The following RAI14 variants were observed in gnomAD, a reference collection of about 807,000 sequenced individuals.
The protein encoded by RAI14 is ankycorbin.
In RAI14, 45 loss-of-function variants were observed where a neutral mutation model predicts 115.4. That is an observed-to-expected ratio of 0.39 (90% CI 0.31 to 0.50). RAI14 has a LOEUF of 0.50. Ranked by LOEUF, RAI14 falls within the 20% of genes least tolerant of loss-of-function variation. The pLI, the probability that RAI14 is intolerant of heterozygous loss-of-function variation, is 0.85. For missense variants in RAI14, 939 were observed against 1,131.2 expected, an observed-to-expected ratio of 0.83 and a Z score of 2.44; for synonymous variants, 371 against 415.4, an observed-to-expected ratio of 0.89 and a Z score of 1.30.
chr5:34,807,677 G>T, intron 5 of RAI14, 123 bp from the exon 6 acceptor site: 1 of 771,946 alleles, frequency 1.3e-6, no homozygotes, highest in East Asian at 2.6e-5. Context: ...CACAGCAGCT[G>T]GGGCTTATTT....
chr5:34,739,641 A>G (rs1478199580), intron 2 of RAI14, among the ~76,000 whole-genome samples: 1 of 152,194 alleles, frequency 6.6e-6, no homozygotes, highest in African/African-American at 2.4e-5. Context: ...TAGCAATATT[A>G]TCTGTTAAGC....
chr5:34,679,281 C>G (rs1356024145), intron 1 of RAI14, among the ~76,000 whole-genome samples: 1 of 152,236 alleles, frequency 6.6e-6, no homozygotes, highest in Non-Finnish European at 1.5e-5. Context: ...GCTAAAATGA[C>G]TGTGGTATGT....
intron 12 of RAI14, among the ~76,000 whole-genome samples, chr5:34,816,885 A>G (rs957358170): frequency 1.0e-4 from 10 of 96,732 alleles, no homozygotes; most frequent in South Asian, 3.2e-4. Context: ...TCAGAGGTAG[A>G]GTATAAGACT....
chr5:34,743,129 G>A (rs1472868626), intron 2 of RAI14, among the ~76,000 whole-genome samples: 1 of 152,200 alleles, frequency 6.6e-6, no homozygotes, highest in Non-Finnish European at 1.5e-5. Flanking sequence ...CTCTCCATGT[G>A]TCACCGCATC....
intron 2 of RAI14, chr5:34,687,630 T>G: frequency 6.5e-7 from 1 of 1,549,208 alleles, no homozygotes; most frequent in Non-Finnish European, 8.7e-7. Context: ...AACCCTTCTA[T>G]GATCCCAGTC....
At chr5:34,677,161 A>ATTTTT (rs747450748) in intron 1 of RAI14, among the ~76,000 whole-genome samples, 1 of 83,146 alleles carries the variant, frequency 1.2e-5, no homozygotes, top group Non-Finnish European at 2.3e-5. Flanking sequence ...TGACATTTCT[A>ATTTTT]TTTTTTTTTT....
chr5:34,823,062 C>T lies in RAI14; in HGVS notation c.1220C>T (p.Pro407Leu). 2 of 1,613,046 alleles carry T rather than the reference C, an allele frequency of 1.2e-6. No individual in the cohort carries two copies. Among genetic ancestry groups the T allele is most frequent in the Non-Finnish European group, 1.7e-6 (2 of 1,179,038 alleles). Residue 407 changes from proline (P) to leucine (L), a missense_variant, in exon 15 of 18, where the codon CCA (proline) becomes CTA (leucine). By Grantham distance (98) the Pro-to-Leu change is moderately conservative. Coordinates refer to ENST00000265109, the MANE Select transcript of RAI14 (RefSeq NM_015577.3). This position sits in a 1 kb window ranked among gnomAD's most constrained non-coding sequence, Gnocchi z 4.5. ...SLGKPGETSP[P>L]DSKSSPSVLI... ...GGAAAACCTGGTGAAACCTCTCCCC[C>T]AGACTCCAAATCATCTCCATCTGTC...
At chr5:34,758,304 G>C (rs538648063) in intron 3 of RAI14, among the ~76,000 whole-genome samples, 1 of 152,314 alleles carries the variant, frequency 6.6e-6, no homozygotes, top group East Asian at 1.9e-4. Flanking sequence ...TGTAGGTTGG[G>C]TGCCCTCAGA....
At chr5:34,829,447 C>T (rs1323404850) in intron 16 of RAI14, among the ~76,000 whole-genome samples, 3 of 152,136 alleles carry the variant, frequency 2.0e-5, no homozygotes, top group Non-Finnish European at 2.9e-5. Flanking sequence ...CTCAGCCGCC[C>T]AAAGAGCATA....
intron 2 of RAI14, chr5:34,688,215 A>G: frequency 6.4e-7 from 1 of 1,551,560 alleles, no homozygotes; most frequent in East Asian, 2.4e-5. Flanking sequence ...TGCAGCCTAC[A>G]TATCTCCCGT....
At chr5:34,740,009 C>T (rs544283181) in intron 2 of RAI14, among the ~76,000 whole-genome samples, 111 of 152,222 alleles carry the variant, frequency 7.3e-4, no homozygotes, top group Non-Finnish European at 1.0e-3. Flanking sequence ...GCTGAGGTCG[C>T]ACCACTGCAC....
At chr5:34,669,779 T>C (rs1743492276) in intron 1 of RAI14, among the ~76,000 whole-genome samples, 1 of 152,208 alleles carries the variant, frequency 6.6e-6, no homozygotes, top group African/African-American at 2.4e-5. Flanking sequence ...GTCCTAATGT[T>C]AGAGAAGTAC....
chr5:34,802,029 A>AT (rs1357445517), intron 4 of RAI14, among the ~76,000 whole-genome samples: 1 of 152,042 alleles, frequency 6.6e-6, no homozygotes, highest in African/African-American at 2.4e-5. Flanking sequence ...GTGCTACTCC[A>AT]TTCCAGCCTG....
intron 1 of RAI14, among the ~76,000 whole-genome samples, chr5:34,674,728 C>T (rs1260977065): frequency 6.6e-6 from 1 of 151,716 alleles, no homozygotes; most frequent in East Asian, 1.9e-4. Flanking sequence ...GCTAGGATTA[C>T]AGGCATCCGC....
intron 2 of RAI14, among the ~76,000 whole-genome samples, chr5:34,707,745 A>C (rs960213518): frequency 1.3e-5 from 2 of 152,224 alleles, no homozygotes; most frequent in Non-Finnish European, 2.9e-5. Flanking sequence ...CATTTCTTGT[A>C]ATCTCTACTA....
chr5:34,741,229 A>G (rs1465123302), intron 2 of RAI14, among the ~76,000 whole-genome samples: 6 of 152,192 alleles, frequency 3.9e-5, no homozygotes, highest in Non-Finnish European at 8.8e-5. Flanking sequence ...ATTAAGTACA[A>G]TCTGTTTGGG....
At chr5:34,815,892 A>G (rs1756172555) in intron 12 of RAI14, among the ~76,000 whole-genome samples, 1 of 152,218 alleles carries the variant, frequency 6.6e-6, no homozygotes, top group Non-Finnish European at 1.5e-5. Flanking sequence ...CATGATGTAC[A>G]TGGTAAATAC....
intron 3 of RAI14, among the ~76,000 whole-genome samples, chr5:34,759,746 C>T (rs900916502): frequency 1.3e-5 from 2 of 152,310 alleles, no homozygotes; most frequent in Admixed American, 6.5e-5. Flanking sequence ...GTGCTTGAAT[C>T]ATCCCAAAAC....
intron 4 of RAI14, among the ~76,000 whole-genome samples, chr5:34,800,461 G>A (rs1754122367): frequency 6.6e-6 from 1 of 152,184 alleles, no homozygotes; most frequent in Admixed American, 6.5e-5. Context: ...GAGATGCATT[G>A]TCTCATCATA....
Sources: gnomAD v4.1 joint callset for allele counts (sites outside exome capture counted in the v4.1 genomes callset) on GRCh38, gnomAD v4.1.1 for gene constraint, Gnocchi (gnomAD v3.1) non-coding constraint, MANE v1.5 for transcripts, NCBI Gene and HGNC (gene_info 2026-07-23, HGNC 2026-07-21) for gene names.